Variants in ZNF451 observed in about 807,000 individuals in gnomAD.
The protein encoded by ZNF451 is zinc finger protein 451.
A neutral mutation model predicts 107.1 loss-of-function variants in ZNF451; 80 were observed. The ratio of observed to expected loss-of-function variants is 0.75; its 90% CI spans 0.62 to 0.90. ZNF451 has a LOEUF of 0.90. ZNF451 is among the 40% of genes least tolerant of loss of function. The pLI, the probability that ZNF451 is intolerant of heterozygous loss-of-function variation, is 0.00. For synonymous variants in ZNF451, 362 were observed against 406.5 expected, an observed-to-expected ratio of 0.89 and a Z score of 1.32; for missense variants, 1,107 against 1,236.2, an observed-to-expected ratio of 0.90 and a Z score of 1.57.
At chr6:57,102,231 C>G (rs952924444) in intron 3 of ZNF451, 1 of 1,387,544 alleles carries the variant, frequency 7.2e-7, no homozygotes, top group African/African-American at 1.4e-5. Context: ...TCACAGCTGA[C>G]ATTTGAATTC....
chr6:57,136,254 A>G lies in ZNF451; in HGVS notation c.702+1384A>G, dbSNP rs191943220. The stretch of plus-strand genomic sequence containing the variant: ...GATATTGGCAAGAAGAAACTATTAT[A>G]GAACAGTGACATGATGAAAATAACA... On this transcript the variant is annotated intron_variant, in intron 7 of 14. Transcript: ENST00000370706. Among the ~76,000 whole-genome samples, 5 of 152,324 alleles carry G rather than the reference A, an allele frequency of 3.3e-5. No homozygotes were observed. In the East Asian group the frequency reaches 9.6e-4, roughly 29 times the overall value.
At chr6:57,134,920 A>G (rs748091234) in intron 7 of ZNF451, 50 bp downstream of exon 7, 2 of 1,500,346 alleles carry the variant, frequency 1.3e-6, no homozygotes, top group Non-Finnish European at 1.8e-6. Flanking sequence ...ATAGCCATGG[A>G]GTTAAGTGGA....
At chr6:57,138,507 C>G (rs187789651) in intron 7 of ZNF451, among the ~76,000 whole-genome samples, 154 of 151,684 alleles carry the variant, frequency 1.0e-3, no homozygotes, top group African/African-American at 3.6e-3. Context: ...TGTGATCTGT[C>G]CGCTTCAGCC....
Position 57,117,287 on chromosome 6 carries a change from G to C in ZNF451, c.187-7447G>C, listed in dbSNP as rs188138096. Among the ~76,000 whole-genome samples the C allele has an allele frequency of 4.0e-5, 6 of 150,346 alleles. No homozygotes were observed. The East Asian group carries it at 1.2e-3, about 29-fold the overall frequency. ...ATGCTCCAAGGAATGTTTCCTTTGAGCTTCATACGGGCACTCAAAAAGTTT... is the reference window on the plus strand; with the variant it reads ...ATGCTCCAAGGAATGTTTCCTTTGACCTTCATACGGGCACTCAAAAAGTTT... On this transcript the variant is annotated intron_variant, in intron 3 of 14. Coordinates refer to ENST00000370706, the MANE Select transcript of ZNF451 (RefSeq NM_001031623.3).
intron 7 of ZNF451, among the ~76,000 whole-genome samples, chr6:57,141,037 A>G: frequency 6.6e-6 from 1 of 152,184 alleles, no homozygotes; most frequent in East Asian, 1.9e-4. Flanking sequence ...TGAAAACTAT[A>G]TAGAAAGCAA....
At chr6:57,154,438 G>A in intron 13 of ZNF451, 2 of 302,604 alleles carry the variant, frequency 6.6e-6, no homozygotes, top group Non-Finnish European at 6.0e-6. Flanking sequence ...AAACCAGAAA[G>A]CAATAACAAA....
At chr6:57,101,375 C>G (rs925634398) in intron 3 of ZNF451, 1 of 1,550,520 alleles carries the variant, frequency 6.4e-7, no homozygotes, top group African/African-American at 1.4e-5. Context: ...GATTGCCATC[C>G]TTCTTCCTTC....
intron 2 of ZNF451, 135 bp from the exon 3 acceptor site, chr6:57,098,926 A>C: frequency 1.7e-6 from 1 of 586,706 alleles, no homozygotes; most frequent in East Asian, 2.8e-5. Flanking sequence ...TGTTCTGGTT[A>C]TTTTCTGCTA....
chr6:57,107,432 A>G (rs1169762307), intron 3 of ZNF451: 6 of 985,220 alleles, frequency 6.1e-6, no homozygotes, highest in South Asian at 9.4e-5. Context: ...CAATATCTCA[A>G]ACTACTTTGA....
At chr6:57,155,711 G>A (rs1349935259) in intron 13 of ZNF451, among the ~76,000 whole-genome samples, 3 of 152,052 alleles carry the variant, frequency 2.0e-5, no homozygotes, top group African/African-American at 7.2e-5. Flanking sequence ...GGAATGAGAG[G>A]TGAATACGAG....
At chr6:57,106,692 A>G (rs574012407) in intron 3 of ZNF451, 43 of 981,804 alleles carry the variant, frequency 4.4e-5, no homozygotes, top group Admixed American at 1.3e-4. Context: ...TTTGGAATCT[A>G]TCATTCTGTA....
intron 14 of ZNF451, among the ~76,000 whole-genome samples, chr6:57,161,930 T>C (rs1304922077): frequency 6.6e-6 from 1 of 152,236 alleles, no homozygotes. Flanking sequence ...TAAAGAGAAC[T>C]TTTTATGTCA....
At chr6:57,108,627 G>A in intron 3 of ZNF451, 1 of 985,308 alleles carries the variant, frequency 1.0e-6, no homozygotes, top group South Asian at 4.7e-5. Context: ...TTAGATTCTT[G>A]GGACAGAACG....
At chr6:57,124,364 TAGA>T (rs982713686) in intron 3 of ZNF451, 3 of 705,656 alleles carry the variant, frequency 4.3e-6, no homozygotes, top group Middle Eastern at 2.3e-4. Flanking sequence ...AGGTTCCTGC[TAGA>T]AGGTTTCTGC....
intron 13 of ZNF451, among the ~76,000 whole-genome samples, chr6:57,155,508 C>T (rs1244957755): frequency 6.6e-6 from 1 of 152,142 alleles, no homozygotes; most frequent in African/African-American, 2.4e-5. Flanking sequence ...CAAAACACCT[C>T]TTCTACTCTT....
chr6:57,140,107 G>T (rs1285041914), intron 7 of ZNF451, among the ~76,000 whole-genome samples: 1 of 152,058 alleles, frequency 6.6e-6, no homozygotes, highest in African/African-American at 2.4e-5. Context: ...ATTAATTTCA[G>T]TAACAAAGGA....
At chr6:57,104,574 C>A in intron 3 of ZNF451, 4 of 985,180 alleles carry the variant, frequency 4.1e-6, no homozygotes, top group Non-Finnish European at 4.8e-6. Context: ...TAATATGCTT[C>A]CCCTTCCCTT....
At chr6:57,160,976 G>T in intron 13 of ZNF451, 108 bp from the exon 14 acceptor site, 1 of 595,544 alleles carries the variant, frequency 1.7e-6, no homozygotes, top group South Asian at 4.0e-5. Context: ...TAACACTAAT[G>T]AACTGTATTA....
chr6:57,124,390 A>G, intron 3 of ZNF451: 2 of 711,560 alleles, frequency 2.8e-6, no homozygotes, highest in Non-Finnish European at 5.2e-6. Context: ...TAGTAAGTCG[A>G]TGTTCTTTAT....
Sources: allele counts gnomAD v4.1 joint callset (sites outside exome capture counted in the v4.1 genomes callset), GRCh38; gene constraint gnomAD v4.1.1; transcripts MANE v1.5; gene names NCBI Gene and HGNC (gene_info 2026-07-23, HGNC 2026-07-21).